ZNRF1: variants seen among roughly 807,000 people sequenced by gnomAD.
The protein encoded by ZNRF1 is zinc and ring finger 1, also known as E3 ubiquitin-protein ligase ZNRF1.
ZNRF1 carries 3 observed loss-of-function variants against 18.4 expected under a neutral mutation model. That is an observed-to-expected ratio of 0.16 (90% CI 0.07 to 0.42). The LOEUF (loss-of-function observed/expected upper bound fraction) is 0.42. Among genes scored for constraint, ZNRF1 ranks in the 10% least tolerant of loss-of-function variants. ZNRF1 has a pLI of 0.99. For synonymous variants in ZNRF1, 157 were observed against 144.2 expected, an observed-to-expected ratio of 1.09 and a Z score of -0.64; for missense variants, 310 against 329.8, an observed-to-expected ratio of 0.94 and a Z score of 0.47.
intron 1 of ZNRF1, among the ~76,000 whole-genome samples, chr16:75,016,343 A>G (rs924066268): frequency 3.3e-5 from 5 of 150,648 alleles, no homozygotes; most frequent in Non-Finnish European, 5.9e-5. Context: ...GGTTCAAGCA[A>G]TTCTCCCACC....
chr16:75,107,925 C>A lies in ZNRF1; in HGVS notation c.*225C>A. 2.5e-6 allele frequency: 1 copy of A among 404,222 alleles called. No individual in the cohort carries two copies. The highest frequency in any genetic ancestry group is 5.1e-6 in the Non-Finnish European group (1 of 196,412). The allele number at this position is 404,222 out of a possible 1,614,324, so 25.0% of individuals were successfully genotyped here. A position where few individuals can be genotyped will look rare whatever the true frequency, so the allele number is the denominator to read the frequency against. ...ATGAATCAACTGCTATCCTTCCCCT[C>A]ACCCCTCAGCCCAGGAGGGAAAGGG... On this transcript the variant is annotated 3_prime_UTR_variant, in exon 5 of 5. Coordinates refer to ENST00000335325, the MANE Select transcript of ZNRF1 (RefSeq NM_032268.5).
At chr16:75,078,149 G>A (rs2035965424) in intron 1 of ZNRF1, among the ~76,000 whole-genome samples, 1 of 152,090 alleles carries the variant, frequency 6.6e-6, no homozygotes, top group African/African-American at 2.4e-5. Flanking sequence ...GGAAGTTCAC[G>A]GAGGTTCAGG....
intron 1 of ZNRF1, among the ~76,000 whole-genome samples, chr16:75,080,185 G>T (rs2035992468): frequency 6.6e-6 from 1 of 152,160 alleles, no homozygotes; most frequent in Non-Finnish European, 1.5e-5. Flanking sequence ...CAAAGTGCTG[G>T]GATTATAGGC....
intron 2 of ZNRF1, among the ~76,000 whole-genome samples, chr16:75,098,017 G>T (rs113432446): frequency 0.012 from 1,891 of 152,338 alleles, 48 homozygotes; most frequent in African/African-American, 0.039. Flanking sequence ...AGTTTGCCCA[G>T]CCTTGCTTGG....
intron 1 of ZNRF1, among the ~76,000 whole-genome samples, chr16:75,037,841 A>G (rs1160591373): frequency 6.6e-6 from 1 of 152,222 alleles, no homozygotes; most frequent in East Asian, 1.9e-4. Context: ...GAAAGGAGTT[A>G]AAGCACTCAT....
intron 1 of ZNRF1, among the ~76,000 whole-genome samples, chr16:75,045,431 T>C (rs2035502504): frequency 6.6e-6 from 1 of 152,212 alleles, no homozygotes; most frequent in South Asian, 2.1e-4. Context: ...TGAAGATTAC[T>C]ACTAATAAGT....
intron 4 of ZNRF1, chr16:75,106,809 T>C (rs547325319): frequency 9.4e-4 from 441 of 466,724 alleles, no homozygotes; most frequent in Non-Finnish European, 1.4e-3. Context: ...TTAGGATCAG[T>C]TGGGGAAGAG....
chr16:75,018,880 A>G (rs953508592), intron 1 of ZNRF1, among the ~76,000 whole-genome samples: 2 of 152,128 alleles, frequency 1.3e-5, no homozygotes, highest in Non-Finnish European at 2.9e-5. Context: ...ACTAAGATTA[A>G]TAAGGCAAGG....
intron 1 of ZNRF1, among the ~76,000 whole-genome samples, chr16:75,059,229 C>CTTTTTTTTTTTTTCTTT (rs2035708911): frequency 2.9e-4 from 27 of 92,878 alleles, no homozygotes; most frequent in South Asian, 4.6e-4. Context: ...TTCTTTCTTT[C>CTTTTTTTTTTTTTCTTT]TTTTTTTTTT....
chr16:75,067,049 T>G (rs1278318665), intron 1 of ZNRF1, among the ~76,000 whole-genome samples: 3 of 152,176 alleles, frequency 2.0e-5, no homozygotes, highest in Non-Finnish European at 4.4e-5. Context: ...TCTCAAAGGC[T>G]TTTCACTCAC....
intron 1 of ZNRF1, among the ~76,000 whole-genome samples, chr16:75,075,585 C>A (rs2035929684): frequency 6.6e-6 from 1 of 152,198 alleles, no homozygotes; most frequent in Admixed American, 6.5e-5. Flanking sequence ...GGGCCTTTTT[C>A]ACACATTTCC....
intron 1 of ZNRF1, among the ~76,000 whole-genome samples, chr16:75,005,672 A>T (rs928813586): frequency 1.3e-5 from 2 of 152,208 alleles, no homozygotes; most frequent in African/African-American, 4.8e-5. Context: ...TTTCCTGTAT[A>T]TACATACCTT....
intron 1 of ZNRF1, among the ~76,000 whole-genome samples, chr16:75,044,788 G>A (rs1425913271): frequency 6.6e-6 from 1 of 152,152 alleles, no homozygotes; most frequent in East Asian, 1.9e-4. Context: ...AAGGGACTGC[G>A]TTTATAACAA....
intron 2 of ZNRF1, among the ~76,000 whole-genome samples, chr16:75,100,274 C>A (rs1199474242): frequency 6.6e-6 from 1 of 152,222 alleles, no homozygotes. Flanking sequence ...CATAAAACCG[C>A]CTTGTGGAGT....
At chr16:75,089,436 A>G (rs1173872417) in intron 1 of ZNRF1, among the ~76,000 whole-genome samples, 2 of 152,156 alleles carry the variant, frequency 1.3e-5, no homozygotes, top group African/African-American at 4.8e-5. Flanking sequence ...CTATGCCAAA[A>G]TAAAACAGAA....
chr16:75,069,987 C>T (rs2035850869), intron 1 of ZNRF1, among the ~76,000 whole-genome samples: 1 of 152,172 alleles, frequency 6.6e-6, no homozygotes, highest in Non-Finnish European at 1.5e-5. Flanking sequence ...CTTCTACACC[C>T]CTAAATCTCT....
intron 1 of ZNRF1, among the ~76,000 whole-genome samples, chr16:75,029,169 C>T (rs910626608): frequency 9.9e-5 from 14 of 141,024 alleles, no homozygotes; most frequent in African/African-American, 2.2e-4. Context: ...ATTTTTGAGA[C>T]GGAGTCTCGT....
chr16:75,016,170 G>A (rs76566997), intron 1 of ZNRF1, among the ~76,000 whole-genome samples: 26,177 of 151,906 alleles, frequency 0.17, 3,087 homozygotes, highest in East Asian at 0.55. Context: ...CCCGTCCACC[G>A]CCTCGGTCTC....
At chr16:75,033,716 C>T (rs150257489) in intron 1 of ZNRF1, among the ~76,000 whole-genome samples, 1 of 152,218 alleles carries the variant, frequency 6.6e-6, no homozygotes, top group East Asian at 1.9e-4. Context: ...GGATTACAGG[C>T]GTCAGCTATT....
Sources: allele counts gnomAD v4.1 joint callset (sites outside exome capture counted in the v4.1 genomes callset), GRCh38; gene constraint gnomAD v4.1.1; transcripts MANE v1.5; gene names NCBI Gene and HGNC (gene_info 2026-07-23, HGNC 2026-07-21).